The following RAB6A variants were observed in gnomAD, a reference collection of about 807,000 sequenced individuals.
The protein encoded by RAB6A is ras-related protein Rab-6A.
RAB6A carries 8 observed loss-of-function variants against 32.3 expected under a neutral mutation model. The ratio of observed to expected loss-of-function variants is 0.25; its 90% CI spans 0.15 to 0.45. The LOEUF (loss-of-function observed/expected upper bound fraction) is 0.45. Ranked by LOEUF, RAB6A falls within the 20% of genes least tolerant of loss-of-function variation. RAB6A has a pLI of 1.00. For synonymous variants in RAB6A, 73 were observed against 82.1 expected (o/e 0.89, Z 0.60); for missense variants, 104 against 249.4 (o/e 0.42, Z 3.93).
chr11:73,746,669 G>T (rs1946592883), intron 1 of RAB6A, among the ~76,000 whole-genome samples: 1 of 151,774 alleles, frequency 6.6e-6, no homozygotes, highest in South Asian at 2.1e-4. Context: ...ATGGTGAGAG[G>T]ATTGCCTAAG....
intron 1 of RAB6A, among the ~76,000 whole-genome samples, chr11:73,742,537 C>T (rs1010150965): frequency 1.3e-5 from 2 of 151,980 alleles, no homozygotes; most frequent in South Asian, 2.1e-4. Context: ...ATGGGCCAGG[C>T]GTGGTGGCTC....
chr11:73,737,980 G>C (rs952448574), intron 1 of RAB6A, among the ~76,000 whole-genome samples: 1 of 137,016 alleles, frequency 7.3e-6, no homozygotes, highest in Non-Finnish European at 1.6e-5. Context: ...GGGCAACAGA[G>C]GGAGACTCCA....
intron 2 of RAB6A, among the ~76,000 whole-genome samples, chr11:73,728,602 CT>C (rs1946258515): frequency 3.0e-5 from 1 of 33,276 alleles, no homozygotes; most frequent in Non-Finnish European, 7.2e-5. Flanking sequence ...GCAAATCTGT[CT>C]TTGTTTAAAT....
intron 6 of RAB6A, among the ~76,000 whole-genome samples, chr11:73,686,421 G>A (rs1945457174): frequency 1.3e-5 from 2 of 152,122 alleles, no homozygotes; most frequent in African/African-American, 4.8e-5. Context: ...GGGTGTGGTG[G>A]CAGGCACCTG....
chr11:73,694,267 T>C (rs1945622940), intron 6 of RAB6A, among the ~76,000 whole-genome samples: 1 of 152,356 alleles, frequency 6.6e-6, no homozygotes, highest in South Asian at 2.1e-4. Flanking sequence ...GTACTTACTC[T>C]GTTGGAATGT....
chr11:73,733,887 C>T (rs1213011192), intron 1 of RAB6A, among the ~76,000 whole-genome samples: 1 of 152,128 alleles, frequency 6.6e-6, no homozygotes, highest in Non-Finnish European at 1.5e-5. Flanking sequence ...AAATTTCCAA[C>T]AAGCCATATA....
chr11:73,726,377 T>C (rs1445527319), intron 2 of RAB6A, among the ~76,000 whole-genome samples: 1 of 148,768 alleles, frequency 6.7e-6, no homozygotes, highest in Non-Finnish European at 1.5e-5. Context: ...GGTCAGGAGA[T>C]CGAGACCATC....
chr11:73,697,083 G>A (rs1277164221), intron 6 of RAB6A, among the ~76,000 whole-genome samples: 1 of 152,010 alleles, frequency 6.6e-6, no homozygotes, highest in African/African-American at 2.4e-5. Flanking sequence ...TCACTCTAGT[G>A]TAACCTTACT....
intron 6 of RAB6A, among the ~76,000 whole-genome samples, chr11:73,703,197 T>C (rs952498037): frequency 6.6e-6 from 1 of 152,050 alleles, no homozygotes; most frequent in South Asian, 2.1e-4. Context: ...TGAACATGTA[T>C]CTATGTCTAA....
chr11:73,709,965 T>TA (rs1945923309), intron 5 of RAB6A, among the ~76,000 whole-genome samples: 1 of 36,386 alleles, frequency 2.7e-5, no homozygotes, highest in African/African-American at 7.0e-5. Context: ...ATATATATTT[T>TA]TTTTTTTTTT....
At chr11:73,740,530 C>T (rs1946477481) in intron 1 of RAB6A, among the ~76,000 whole-genome samples, 1 of 152,002 alleles carries the variant, frequency 6.6e-6, no homozygotes, top group African/African-American at 2.4e-5. Context: ...AATCTAGTAG[C>T]CTTTCTCTAA....
intron 1 of RAB6A, among the ~76,000 whole-genome samples, chr11:73,759,887 T>C (rs1435601583): frequency 1.3e-5 from 2 of 152,198 alleles, no homozygotes; most frequent in Non-Finnish European, 2.9e-5. Flanking sequence ...CAGCCCCATC[T>C]AACCTAAGGG....
chr11:73,725,905 C>A (rs1287472643), intron 2 of RAB6A, among the ~76,000 whole-genome samples: 1 of 152,170 alleles, frequency 6.6e-6, no homozygotes, highest in Non-Finnish European at 1.5e-5. Context: ...ATAATCCCAG[C>A]ACTTTAGGAG....
At chr11:73,715,809 C>T (rs116029517) in intron 5 of RAB6A, among the ~76,000 whole-genome samples, 1 of 151,990 alleles carries the variant, frequency 6.6e-6, no homozygotes, top group South Asian at 2.1e-4. Flanking sequence ...CAATTAAAAA[C>T]CAACAACCAA....
At chr11:73,703,402 T>C (rs1262241287) in intron 6 of RAB6A, among the ~76,000 whole-genome samples, 11 of 152,124 alleles carry the variant, frequency 7.2e-5, no homozygotes, top group African/African-American at 2.4e-4. Flanking sequence ...TCAATGAACA[T>C]TTATGGAGTT....
chr11:73,751,671 T>TA (rs1440197815), intron 1 of RAB6A, among the ~76,000 whole-genome samples: 6 of 152,218 alleles, frequency 3.9e-5, no homozygotes, highest in African/African-American at 1.4e-4. Context: ...TACTAGGGAT[T>TA]ACAAGGTACA....
chr11:73,684,619 G>GT (rs1251963606), intron 6 of RAB6A, among the ~76,000 whole-genome samples: 1 of 152,172 alleles, frequency 6.6e-6, no homozygotes, highest in East Asian at 1.9e-4. Flanking sequence ...CCAGACTGCA[G>GT]TATCTCCGAG....
intron 6 of RAB6A, among the ~76,000 whole-genome samples, chr11:73,690,042 GA>G (rs1332578247): frequency 1.3e-5 from 2 of 152,144 alleles, no homozygotes; most frequent in Non-Finnish European, 2.9e-5. Context: ...GTGTAAGGCA[GA>G]AAGGGTAAAA....
chr11:73,704,996 G>A (rs1945814653), intron 6 of RAB6A, among the ~76,000 whole-genome samples: 2 of 151,426 alleles, frequency 1.3e-5, no homozygotes, highest in East Asian at 1.9e-4. Flanking sequence ...ACTCCATCTC[G>A]AAAATAAATA....
Sources: gnomAD v4.1 joint callset for allele counts (sites outside exome capture counted in the v4.1 genomes callset) on GRCh38, gnomAD v4.1.1 for gene constraint, MANE v1.5 for transcripts, NCBI Gene and HGNC (gene_info 2026-07-23, HGNC 2026-07-21) for gene names.